Variants in CEP350 observed in about 807,000 individuals in gnomAD.
CEP350 encodes the protein centrosome-associated protein 350.
CEP350 carries 126 observed loss-of-function variants against 331.8 expected under a neutral mutation model. That is an observed-to-expected ratio of 0.38 (90% CI 0.33 to 0.44). The LOEUF (loss-of-function observed/expected upper bound fraction) is 0.44, where lower values mean the gene tolerates loss of function less well. Among genes scored for constraint, CEP350 ranks in the 20% least tolerant of loss-of-function variants. The pLI, the probability that CEP350 is intolerant of heterozygous loss-of-function variation, is 1.00. For synonymous variants in CEP350, 1,200 were observed against 1,259.5 expected (o/e 0.95, Z 1.00); for missense variants, 3,406 against 3,634.6 (o/e 0.94, Z 1.62).
At chr1:180,043,979 A>G in intron 20 of CEP350, 72 bp from the exon 21 acceptor site, 2 of 1,268,664 alleles carry the variant, frequency 1.6e-6, no homozygotes, top group East Asian at 2.6e-5. Context: ...TCATATTACT[A>G]TTAAGCAATA....
intron 37 of CEP350, among the ~76,000 whole-genome samples, chr1:180,107,707 C>T (rs1172593443): frequency 1.3e-5 from 2 of 151,998 alleles, no homozygotes; most frequent in African/African-American, 4.8e-5. Context: ...TCTTTTTTCC[C>T]AACTTGTTCA....
At chr1:180,103,232 T>C (rs187914590) in intron 37 of CEP350, among the ~76,000 whole-genome samples, 3 of 152,326 alleles carry the variant, frequency 2.0e-5, no homozygotes, top group African/African-American at 7.2e-5. Flanking sequence ...TTACTGTGCA[T>C]GTGGCAAAGA....
At chr1:180,109,322 A>G (rs1661348446) in intron 37 of CEP350, among the ~76,000 whole-genome samples, 1 of 151,882 alleles carries the variant, frequency 6.6e-6, no homozygotes, top group South Asian at 2.1e-4. Flanking sequence ...GTTTCACCAC[A>G]TTGGTCAGGG....
chr1:180,101,286 ATTT>A (rs368037580), intron 37 of CEP350, among the ~76,000 whole-genome samples: 1 of 148,636 alleles, frequency 6.7e-6, no homozygotes, highest in African/African-American at 2.5e-5. Flanking sequence ...GTTCTTCTTA[ATTT>A]TTTTTTTTAA....
intron 25 of CEP350, among the ~76,000 whole-genome samples, chr1:180,061,622 A>T (rs541125595): frequency 2.6e-4 from 40 of 152,352 alleles, no homozygotes; most frequent in Middle Eastern, 6.8e-3. Context: ...GTGTGGAGAG[A>T]TATTGGTACA....
rs1463957848 is a variant in CEP350 at position 180,078,664 on chromosome 1, C to T, written c.5969C>T (p.Pro1990Leu). ...CAGGAACTAGAATCTTCTACCTCTC[C>T]TAGTAAACATGTAAGTTAATGTATA... is the stretch of plus-strand genomic sequence containing the variant. ...CSQELESSTSPSKHSLPKSCT... is the reference protein window; with the variant it reads ...CSQELESSTSLSKHSLPKSCT... The change falls in exon 29 of 38, where the codon CCT (proline) becomes CTT (leucine). Residue 1990 changes from proline to leucine, a missense_variant. By Grantham distance (98) the Pro-to-Leu change is moderately conservative. Transcript: ENST00000367607. 1 of 1,603,676 alleles carries T rather than the reference C, an allele frequency of 6.2e-7. No individual in the cohort carries two copies. The highest frequency in any genetic ancestry group is 8.5e-7 in the Non-Finnish European group (1 of 1,174,636).
intron 21 of CEP350, among the ~76,000 whole-genome samples, chr1:180,046,938 CT>C (rs1305150953): frequency 6.6e-6 from 1 of 152,228 alleles, no homozygotes; most frequent in Non-Finnish European, 1.5e-5. Context: ...TGCATTACAT[CT>C]TTTACCTTAT....
At position 180,022,729 on chromosome 1, in the gene CEP350, A is replaced by G. The variant is rs778341951; in HGVS notation, c.3267A>G (p.Ser1089=). Residue 1089 remains serine, a synonymous_variant, in exon 13 of 38, where the codon TCA becomes TCG. Coordinates refer to ENST00000367607, the MANE Select transcript of CEP350 (RefSeq NM_014810.5). ...AAGACAAGTTGGACAGAGGAACATC[A>G]ACATCACGGCCTTTGAATGCCACCG... ...GFEDKLDRGT[S]TSRPLNATAT... The G allele has an allele frequency of 1.6e-4, 260 of 1,612,580 alleles. 1 individual carries two copies. The Middle Eastern group carries it at 7.9e-3, about 49-fold the overall frequency.
At chr1:180,035,805 CT>C (rs528433726) in intron 16 of CEP350, among the ~76,000 whole-genome samples, 16 of 152,304 alleles carry the variant, frequency 1.1e-4, no homozygotes, top group African/African-American at 3.6e-4. Context: ...TTTATGTCCC[CT>C]AACACAAAGT....
At chr1:180,029,707 G>A (rs1173983867) in intron 14 of CEP350, among the ~76,000 whole-genome samples, 1 of 152,056 alleles carries the variant, frequency 6.6e-6, no homozygotes, top group Non-Finnish European at 1.5e-5. Context: ...GTTTTCAACT[G>A]TACAGTTCAT....
In CEP350 at chr1:180,112,332, T is replaced by C. The variant is rs1661503617; in HGVS notation, c.*1171T>C. ...AATACACATATTGAAGAAGTCATTT[T>C]AATTCAGTGAAACGAAGATGGGCTT... On this transcript the variant is annotated 3_prime_UTR_variant, in exon 38 of 38. Transcript: ENST00000367607. 6.6e-6 allele frequency: 1 copy of C among 152,574 alleles called. No individual in the cohort carries two copies. The highest frequency in any genetic ancestry group is 6.5e-5 in the Admixed American group (1 of 15,284). The allele number at this position is 152,574 out of a possible 1,614,324, so 9.5% of individuals were successfully genotyped here.
intron 14 of CEP350, among the ~76,000 whole-genome samples, chr1:180,026,174 G>A (rs2148857586): frequency 6.6e-6 from 1 of 152,056 alleles, no homozygotes; most frequent in East Asian, 1.9e-4. Context: ...GGGAGGCTGA[G>A]GCAGGAGAAT....
Position 180,105,364 on chromosome 1 carries a change from C to G in CEP350, c.9190-5633C>G, listed in dbSNP as rs549132070. Among the ~76,000 whole-genome samples, 98 of 152,168 alleles carry G rather than the reference C, an allele frequency of 6.4e-4. 1 individual carries two copies. The highest frequency in any genetic ancestry group is 2.1e-4 in the Non-Finnish European group (14 of 68,000). ...TCAGTCTCATGGCTTTGACTACGAT[C>G]TGTATGTTCACCACTCCCAAATTCA... On this transcript the variant is annotated intron_variant, in intron 37 of 37. Coordinates refer to ENST00000367607, the MANE Select transcript of CEP350 (RefSeq NM_014810.5).
chr1:179,956,068 C>G (rs1401545951), intron 1 of CEP350, among the ~76,000 whole-genome samples: 1 of 152,168 alleles, frequency 6.6e-6, no homozygotes, highest in Non-Finnish European at 1.5e-5. Flanking sequence ...GCCCTCCATT[C>G]TGAAAATTTC....
At chr1:180,099,652 A>C (rs2149160539) in intron 37 of CEP350, among the ~76,000 whole-genome samples, 1 of 152,298 alleles carries the variant, frequency 6.6e-6, no homozygotes, top group African/African-American at 2.4e-5. Flanking sequence ...AATGAAAAAA[A>C]GTGTAATACT....
chr1:180,102,548 T>C (rs906113651), intron 37 of CEP350, among the ~76,000 whole-genome samples: 2 of 152,250 alleles, frequency 1.3e-5, no homozygotes, highest in Non-Finnish European at 2.9e-5. Flanking sequence ...GTTACACTTT[T>C]CACCCATTAT....
intron 26 of CEP350, 139 bp downstream of exon 26, chr1:180,062,505 A>C: frequency 1.7e-6 from 2 of 1,159,258 alleles, no homozygotes; most frequent in Middle Eastern, 3.1e-4. Flanking sequence ...TGGATGGGCC[A>C]GTCTTAGTCC....
intron 8 of CEP350, 94 bp downstream of exon 8, chr1:180,006,661 G>C (rs1654278008): frequency 1.4e-6 from 1 of 693,138 alleles, no homozygotes; most frequent in Non-Finnish European, 2.6e-6. Flanking sequence ...AGAACGTGCA[G>C]GTTTGATACA....
Position 180,072,107 on chromosome 1 carries a change from A to G in CEP350, c.5568-2915A>G, listed in dbSNP as rs186827494. Among the ~76,000 whole-genome samples, 69 of 152,302 alleles carry G rather than the reference A, an allele frequency of 4.5e-4. 2 individuals are homozygous for G. The highest frequency in any genetic ancestry group is 8.3e-4 in the South Asian group (4 of 4,824). Reference sequence around the variant, plus strand: ...GCACTCCTATAAGGAATGTATTTATATTTACACTCCTTATATAAGGATGTA... The same window carrying G: ...GCACTCCTATAAGGAATGTATTTATGTTTACACTCCTTATATAAGGATGTA... On this transcript the variant is annotated intron_variant, in intron 27 of 37. Coordinates refer to ENST00000367607, the MANE Select transcript of CEP350 (RefSeq NM_014810.5).
Sources: allele counts gnomAD v4.1 joint callset (sites outside exome capture counted in the v4.1 genomes callset), GRCh38; gene constraint gnomAD v4.1.1; transcripts MANE v1.5; gene names NCBI Gene and HGNC (gene_info 2026-07-23, HGNC 2026-07-21).